The following SYN2 variants were observed in gnomAD, a reference collection of about 807,000 sequenced individuals.
SYN2 encodes the protein synapsin-2.
Under a neutral mutation model 50.9 loss-of-function variants are expected in SYN2, and 19 were observed. That is an observed-to-expected ratio of 0.37 (90% CI 0.26 to 0.55). SYN2 has a LOEUF of 0.55. SYN2 is among the 20% of genes least tolerant of loss of function. The pLI, the probability that SYN2 is intolerant of heterozygous loss-of-function variation, is 0.81. For missense variants in SYN2, 587 were observed against 576.4 expected (o/e 1.02, Z -0.19); for synonymous variants, 255 against 224.9 (o/e 1.13, Z -1.20).
intron 1 of SYN2, chr3:12,070,601 C>G: frequency 7.3e-7 from 1 of 1,375,508 alleles, no homozygotes; most frequent in Non-Finnish European, 9.9e-7. Context: ...TGACCCAGAT[C>G]ATGTTTGAGA....
At chr3:12,164,092 TA>T (rs1697723345) in intron 7 of SYN2, among the ~76,000 whole-genome samples, 1 of 152,066 alleles carries the variant, frequency 6.6e-6, no homozygotes, top group Admixed American at 6.6e-5. Context: ...ATGCACAATC[TA>T]AGACAGAATA....
At chr3:12,135,115 A>C (rs377037638) in intron 1 of SYN2, among the ~76,000 whole-genome samples, 34 of 152,324 alleles carry the variant, frequency 2.2e-4, no homozygotes, top group African/African-American at 6.7e-4. Flanking sequence ...AGAGCAGCAA[A>C]TAAGCAGCTG....
intron 1 of SYN2, among the ~76,000 whole-genome samples, chr3:12,017,726 A>G (rs1313748364): frequency 2.0e-5 from 3 of 152,234 alleles, no homozygotes; most frequent in South Asian, 2.1e-4. Context: ...GCTTTAAGAC[A>G]ACAGCTTACT....
intron 1 of SYN2, among the ~76,000 whole-genome samples, chr3:12,047,013 A>C (rs1017388887): frequency 3.1e-4 from 47 of 152,322 alleles, no homozygotes; most frequent in African/African-American, 1.1e-3. Flanking sequence ...AGGAAAACAT[A>C]TTGTACTCCA....
At chr3:12,034,936 G>A (rs772311186) in intron 1 of SYN2, among the ~76,000 whole-genome samples, 6 of 152,128 alleles carry the variant, frequency 3.9e-5, no homozygotes, top group Non-Finnish European at 5.9e-5. Context: ...AAAGCCCAAA[G>A]TCTCATCTAA....
Position 12,164,458 on chromosome 3 carries a change from A to G in SYN2, c.980+2304A>G, listed in dbSNP as rs538679743. ...GGCCCTCTTAGCTTCTCCTCACCAC[A>G]CTTCTTCCCCAAACTTGTGGCTATA... is the stretch of plus-strand genomic sequence containing the variant. On this transcript the variant is annotated intron_variant, in intron 7 of 12. Coordinates refer to ENST00000621198, the MANE Select transcript of SYN2 (RefSeq NM_133625.6). Among the ~76,000 whole-genome samples, 4 of 152,334 alleles carry G rather than the reference A, an allele frequency of 2.6e-5. No individual in the cohort carries two copies. In the South Asian group the frequency reaches 6.2e-4, roughly 24 times the overall value.
intron 7 of SYN2, 66 bp downstream of exon 7, chr3:12,162,220 C>G: frequency 6.4e-6 from 10 of 1,570,392 alleles, no homozygotes; most frequent in Non-Finnish European, 7.8e-6. Flanking sequence ...CACATTGCAG[C>G]CAACTCTCAG....
chr3:12,048,297 A>G, intron 1 of SYN2, among the ~76,000 whole-genome samples: 1 of 152,176 alleles, frequency 6.6e-6, no homozygotes, highest in South Asian at 2.1e-4. Flanking sequence ...CCTCCCGAGT[A>G]GCTGGGACGA....
At chr3:12,175,443 T>C (rs913044948) in intron 10 of SYN2, among the ~76,000 whole-genome samples, 3 of 152,192 alleles carry the variant, frequency 2.0e-5, no homozygotes, top group Non-Finnish European at 2.9e-5. Flanking sequence ...TCACAGGCAT[T>C]GTCACCATTC....
At chr3:12,110,734 G>A (rs1224798554) in intron 1 of SYN2, among the ~76,000 whole-genome samples, 1 of 152,206 alleles carries the variant, frequency 6.6e-6, no homozygotes, top group Non-Finnish European at 1.5e-5. Flanking sequence ...GATGGGAGGA[G>A]CTGCTGTGAA....
intron 5 of SYN2, among the ~76,000 whole-genome samples, chr3:12,155,699 A>G (rs6801376): frequency 0.047 from 7,150 of 152,140 alleles, 591 homozygotes; most frequent in African/African-American, 0.16. Context: ...TTCTTAGACT[A>G]TTTTTTGTCA....
intron 1 of SYN2, among the ~76,000 whole-genome samples, chr3:12,107,403 T>C (rs1030273603): frequency 2.0e-5 from 3 of 152,208 alleles, no homozygotes; most frequent in African/African-American, 7.2e-5. Context: ...ATAATAACAT[T>C]TGCTCGGTCC....
chr3:12,114,110 G>T (rs1254171776), intron 1 of SYN2, among the ~76,000 whole-genome samples: 1 of 151,590 alleles, frequency 6.6e-6, no homozygotes, highest in East Asian at 1.9e-4. Flanking sequence ...ATAGACAATA[G>T]TCCATCTTTT....
intron 1 of SYN2, among the ~76,000 whole-genome samples, chr3:12,026,137 C>T (rs1385502762): frequency 6.6e-6 from 1 of 152,124 alleles, no homozygotes; most frequent in Non-Finnish European, 1.5e-5. Context: ...ATGGACCCTC[C>T]TCATGGCCTA....
intron 9 of SYN2, among the ~76,000 whole-genome samples, chr3:12,169,304 G>T (rs1574881686): frequency 6.6e-6 from 1 of 152,306 alleles, no homozygotes; most frequent in East Asian, 1.9e-4. Flanking sequence ...GGTACAAAGG[G>T]ATGAACCTGG....
chr3:12,109,734 A>G (rs1696273894), intron 1 of SYN2, among the ~76,000 whole-genome samples: 1 of 152,196 alleles, frequency 6.6e-6, no homozygotes. Flanking sequence ...GGGTAGATAC[A>G]GGATGATTGG....
chr3:12,123,617 AACAC>A (rs371667951), intron 1 of SYN2, among the ~76,000 whole-genome samples: 5 of 151,776 alleles, frequency 3.3e-5, no homozygotes, highest in Non-Finnish European at 2.9e-5. Context: ...GAAAAACACA[AACAC>A]ACACACACAC....
intron 1 of SYN2, among the ~76,000 whole-genome samples, chr3:12,078,609 G>A (rs921976012): frequency 6.6e-6 from 1 of 151,946 alleles, no homozygotes; most frequent in Admixed American, 6.6e-5. Context: ...AGATCAGGTG[G>A]TTGTAGATGT....
At chr3:12,166,253 C>T (rs868044823) in intron 7 of SYN2, among the ~76,000 whole-genome samples, 1 of 152,360 alleles carries the variant, frequency 6.6e-6, no homozygotes, top group South Asian at 2.1e-4. Context: ...GCTCTGTCGA[C>T]AGTGTAAGCA....
Sources: allele counts gnomAD v4.1 joint callset (sites outside exome capture counted in the v4.1 genomes callset), GRCh38; gene constraint gnomAD v4.1.1; transcripts MANE v1.5; gene names NCBI Gene and HGNC (gene_info 2026-07-23, HGNC 2026-07-21).